Variants in FCF1 observed in about 807,000 individuals in gnomAD.
The protein encoded by FCF1 is rRNA-processing protein FCF1 homolog.
FCF1 carries 17 observed loss-of-function variants against 32.5 expected under a neutral mutation model. That is an observed-to-expected ratio of 0.52 (90% CI 0.36 to 0.78). FCF1 has a LOEUF of 0.78. FCF1 is among the 30% of genes least tolerant of loss of function. The pLI is 0.00. For synonymous variants in FCF1, 84 were observed against 78.4 expected, an observed-to-expected ratio of 1.07 and a Z score of -0.38; for missense variants, 201 against 241.1, an observed-to-expected ratio of 0.83 and a Z score of 1.10.
intron 2 of FCF1, chr14:74,713,756 A>C: frequency 1.7e-6 from 1 of 601,782 alleles, no homozygotes; most frequent in Non-Finnish European, 3.0e-6. Context: ...ACATTTCTTA[A>C]GTGTTCACTT....
rs113397519 is a variant in FCF1 at position 74,720,096 on chromosome 14, C to G, written c.293-3176C>G. Among the ~76,000 whole-genome samples, 309 of 152,082 alleles carry G rather than the reference C, an allele frequency of 2.0e-3. 1 individual carries two copies. The highest frequency in any genetic ancestry group is 7.1e-3 in the African/African-American group (294 of 41,490). ...GGCAGAAATTGCAGTGAGCCAAGAT[C>G]GTGCCATTGCAAGAGCGAAACTCCG... On this transcript the variant is annotated intron_variant, in intron 4 of 7. Transcript: ENST00000341162.
At chr14:74,723,594 C>T (rs919405508) in intron 5 of FCF1, among the ~76,000 whole-genome samples, 1 of 151,630 alleles carries the variant, frequency 6.6e-6, no homozygotes, top group African/African-American at 2.4e-5. Context: ...TTTGGGAGGC[C>T]GAGGCAGGCA....
chr14:74,733,203 C>T (rs1040638728), intron 6 of FCF1, among the ~76,000 whole-genome samples: 13 of 152,180 alleles, frequency 8.5e-5, no homozygotes, highest in African/African-American at 2.9e-4. Context: ...TTCCTCTTCA[C>T]GATGCCTAAT....
chr14:74,719,722 G>A (rs10133860), intron 4 of FCF1, among the ~76,000 whole-genome samples: 34,474 of 152,120 alleles, frequency 0.23, 4,061 homozygotes, highest in South Asian at 0.31. Context: ...CTATGTCCAT[G>A]TCACTGCCCT....
At chr14:74,717,271 G>T (rs894594178) in intron 4 of FCF1, among the ~76,000 whole-genome samples, 1 of 151,976 alleles carries the variant, frequency 6.6e-6, no homozygotes, top group African/African-American at 2.4e-5. Context: ...CAGGAGAATC[G>T]CTGGAACCTG....
At position 74,737,893 on chromosome 14, in the gene FCF1, CAGG is replaced by C. The variant is rs1242054434; in HGVS notation, c.*2966_*2968del. 1 of 150,870 alleles carries C rather than the reference CAGG, an allele frequency of 6.6e-6. No homozygotes were observed. Among genetic ancestry groups the C allele is most frequent in the East Asian group, 2.0e-4 (1 of 5,100 alleles). 9.3% of individuals were successfully genotyped at this position (150,870 alleles called of 1,614,324 possible). A position where few individuals can be genotyped will look rare whatever the true frequency, so the allele number is the denominator to read the frequency against. On this transcript the variant is annotated 3_prime_UTR_variant, in exon 8 of 8. Coordinates refer to ENST00000341162, the MANE Select transcript of FCF1 (RefSeq NM_015962.5). The stretch of plus-strand genomic sequence containing the variant: ...TTCCCAGCTACTCTGGAGGCTGAGG[CAGG>C]AGAACGCTTGAACCTGGGAGATGGA...
intron 4 of FCF1, among the ~76,000 whole-genome samples, chr14:74,720,319 G>C (rs2090483580): frequency 6.6e-6 from 1 of 152,028 alleles, no homozygotes; most frequent in African/African-American, 2.4e-5. Flanking sequence ...CATTATCCCA[G>C]GAAGAAACCT....
chr14:74,718,476 A>T (rs79317363), intron 4 of FCF1, among the ~76,000 whole-genome samples: 5 of 151,102 alleles, frequency 3.3e-5, no homozygotes, highest in South Asian at 2.1e-4. Context: ...TCAGTATTAA[A>T]ATATATATAT....
chr14:74,723,208 G>A (rs2090529545), intron 4 of FCF1, 64 bp from the exon 5 acceptor site: 5 of 1,170,010 alleles, frequency 4.3e-6, no homozygotes, highest in Non-Finnish European at 6.4e-6. Flanking sequence ...TCTGAGCAGG[G>A]ATATAATTCA....
rs1193335136 is a variant in FCF1, at chr14:74,736,797, A to G, written c.*1867A>G. ...CTCAATAAACATTTATTAAATGTAT[A>G]CTAGGTGCTTAATAAGAGATGGTCC... is the stretch of plus-strand genomic sequence containing the variant. On this transcript the variant is annotated 3_prime_UTR_variant, in exon 8 of 8. Coordinates refer to ENST00000341162, the MANE Select transcript of FCF1 (RefSeq NM_015962.5). 1 of 152,212 alleles carries G rather than the reference A, an allele frequency of 6.6e-6. No individual in the cohort carries two copies. The highest frequency in any genetic ancestry group is 6.5e-5 in the Admixed American group (1 of 15,276). The allele number at this position is 152,212 out of a possible 1,614,324, so 9.4% of individuals were successfully genotyped here.
At position 74,734,937 on chromosome 14, in the gene FCF1, C is replaced by G. The variant is rs1213774572; in HGVS notation, c.*7C>G. 6.2e-7 allele frequency: 1 copy of G among 1,611,816 alleles called. No homozygotes were observed. Among genetic ancestry groups the G allele is most frequent in the Admixed American group, 1.7e-5 (1 of 59,988 alleles). On this transcript the variant is annotated 3_prime_UTR_variant, in exon 8 of 8. Coordinates refer to ENST00000341162, the MANE Select transcript of FCF1 (RefSeq NM_015962.5). ...TGGAGCCCCTCGATTCTAATTCTTA[C>G]AAGACACAGTTCCTCTGCCTTTCTT...
intron 5 of FCF1, among the ~76,000 whole-genome samples, chr14:74,728,002 T>C (rs1210648892): frequency 6.6e-6 from 1 of 152,246 alleles, no homozygotes. Flanking sequence ...TTTTGGTTAC[T>C]GTAGCCTTGT....
At chr14:74,715,612 T>G (rs61978900) in intron 3 of FCF1, 6,358 of 373,886 alleles carry the variant, frequency 0.017, 69 homozygotes, top group Middle Eastern at 0.032. Context: ...GACAAACGTG[T>G]TGTTGTATCA....
chr14:74,735,114 G>T lies in FCF1; in HGVS notation c.*184G>T, dbSNP rs1397502690. ...TCCAAAGGACTGAACCCTGAACAGA[G>T]TTAAGTTACCTTTTAAGCATTTTGT... On this transcript the variant is annotated 3_prime_UTR_variant, in exon 8 of 8. Coordinates refer to ENST00000341162, the MANE Select transcript of FCF1 (RefSeq NM_015962.5). The T allele has an allele frequency of 1.0e-3, 339 of 335,582 alleles. No homozygotes were observed. Among genetic ancestry groups the T allele is most frequent in the East Asian group, 3.3e-3 (45 of 13,838 alleles). 20.8% of individuals were successfully genotyped at this position (335,582 alleles called of 1,614,324 possible). A position where few individuals can be genotyped will look rare whatever the true frequency, so the allele number is the denominator to read the frequency against.
At position 74,738,312 on chromosome 14, in the gene FCF1, A is replaced by G. The variant is rs900511725; in HGVS notation, c.*3382A>G. ...GCATGAGCCACTGCACCCACCCTAAACTTATTTCTAAGCTATGGAAGCATT... is the reference window on the plus strand; with the variant it reads ...GCATGAGCCACTGCACCCACCCTAAGCTTATTTCTAAGCTATGGAAGCATT... On this transcript the variant is annotated 3_prime_UTR_variant, in exon 8 of 8. Coordinates refer to ENST00000341162, the MANE Select transcript of FCF1 (RefSeq NM_015962.5). The G allele has an allele frequency of 1.3e-5, 2 of 152,194 alleles. No individual in the cohort carries two copies. The highest frequency in any genetic ancestry group is 4.8e-5 in the African/African-American group (2 of 41,444). The allele number at this position is 152,194 out of a possible 1,614,324, so 9.4% of individuals were successfully genotyped here.
chr14:74,734,594 TGAG>T (rs924342438), intron 7 of FCF1, among the ~76,000 whole-genome samples: 1 of 152,144 alleles, frequency 6.6e-6, no homozygotes, highest in Non-Finnish European at 1.5e-5. Context: ...CTTTTCAGCT[TGAG>T]GAGAGCACAA....
chr14:74,734,905 A>G lies in FCF1; in HGVS notation c.572A>G (p.Asp191Gly). ...NHRYNIERMP[D>G]DYGAPRF ...AGATACAACATTGAACGGATGCCAGATGATTATGGAGCCCCTCGATTCTAA... is the reference window on the plus strand; with the variant it reads ...AGATACAACATTGAACGGATGCCAGGTGATTATGGAGCCCCTCGATTCTAA... Residue 191 changes from aspartate to glycine, a missense_variant, in exon 8 of 8, where the codon GAT (aspartate) becomes GGT (glycine). Transcript: ENST00000341162. 1.2e-6 allele frequency: 2 copies of G among 1,613,952 alleles called. No homozygotes were observed. Among genetic ancestry groups the G allele is most frequent in the Non-Finnish European group, 1.7e-6 (2 of 1,179,864 alleles).
intron 5 of FCF1, among the ~76,000 whole-genome samples, chr14:74,730,792 G>C (rs1323524996): frequency 1.3e-5 from 2 of 152,120 alleles, no homozygotes; most frequent in African/African-American, 4.8e-5. Context: ...CTGAGGTCGG[G>C]AGTTCTAGAC....
At chr14:74,730,730 T>C (rs1186868902) in intron 5 of FCF1, among the ~76,000 whole-genome samples, 1 of 152,152 alleles carries the variant, frequency 6.6e-6, no homozygotes, top group Non-Finnish European at 1.5e-5. Context: ...CTGGGTGCAG[T>C]GGCTAACGCC....
Sources: gnomAD v4.1 joint callset for allele counts (sites outside exome capture counted in the v4.1 genomes callset) on GRCh38, gnomAD v4.1.1 for gene constraint, MANE v1.5 for transcripts, NCBI Gene and HGNC (gene_info 2026-07-23, HGNC 2026-07-21) for gene names.